CHMP4B: variants seen among roughly 807,000 people sequenced by gnomAD.
CHMP4B encodes the protein SNF7 homolog associated with Alix 1.
Under a neutral mutation model 25.1 loss-of-function variants are expected in CHMP4B, and 1 was observed. The ratio of observed to expected loss-of-function variants is 0.04; its 90% confidence interval spans 0.01 to 0.19. The LOEUF is 0.19. CHMP4B is among the 10% of genes least tolerant of loss of function. The pLI is 1.00. For synonymous variants in CHMP4B, 101 were observed against 115.6 expected (o/e 0.87, Z 0.81); for missense variants, 151 against 289.7 (o/e 0.52, Z 3.48).
chr20:33,833,817 C>CCT (rs1490869040), intron 1 of CHMP4B, among the ~76,000 whole-genome samples: 5 of 152,202 alleles, frequency 3.3e-5, no homozygotes, highest in African/African-American at 1.2e-4. Context: ...CAGTAAGTGT[C>CCT]CTGTGCTGAC....
At chr20:33,852,386 C>T (rs1178076814) in intron 4 of CHMP4B, among the ~76,000 whole-genome samples, 183 bp downstream of exon 4, 1 of 151,094 alleles carries the variant, frequency 6.6e-6, no homozygotes, top group Non-Finnish European at 1.5e-5. Context: ...GAGGCCATGT[C>T]ACCTGGCTTT....
At chr20:33,852,454 T>G (rs1186906871) in intron 4 of CHMP4B, among the ~76,000 whole-genome samples, 1 of 134,170 alleles carries the variant, frequency 7.5e-6, no homozygotes, top group African/African-American at 2.8e-5. Flanking sequence ...CATGGCCAGA[T>G]ACCTCTCTGG....
intron 1 of CHMP4B, among the ~76,000 whole-genome samples, chr20:33,826,544 TA>T (rs1979099346): frequency 6.6e-6 from 1 of 152,182 alleles, no homozygotes; most frequent in Non-Finnish European, 1.5e-5. Context: ...GACCAGCAGC[TA>T]TCTCCCTACA....
At chr20:33,843,132 AG>A (rs1979589061) in intron 1 of CHMP4B, among the ~76,000 whole-genome samples, 1 of 152,184 alleles carries the variant, frequency 6.6e-6, no homozygotes, top group Non-Finnish European at 1.5e-5. Context: ...TCTGCTTCTT[AG>A]GGTATCTGTT....
intron 1 of CHMP4B, among the ~76,000 whole-genome samples, chr20:33,827,128 C>T (rs906875019): frequency 5.5e-4 from 84 of 152,210 alleles, no homozygotes; most frequent in African/African-American, 2.0e-3. Context: ...AGCTGTCCTA[C>T]CCCTGGGTGC....
rs6120382 is a variant in CHMP4B at position 33,814,447 on chromosome 20, C to T, written c.190+2789C>T. Among the ~76,000 whole-genome samples the T allele has an allele frequency of 8.1e-3, 1,236 of 152,170 alleles. 18 individuals carry two copies. The highest frequency in any genetic ancestry group is 0.028 in the African/African-American group (1,179 of 41,512). Reference sequence around the variant, plus strand: ...TGGGCTGAGGCTGCAGAGGAGGCGGCACCTGTTTGGGGGGAAGGATAAAGA... The same window carrying T: ...TGGGCTGAGGCTGCAGAGGAGGCGGTACCTGTTTGGGGGGAAGGATAAAGA... On this transcript the variant is annotated intron_variant, in intron 1 of 4. Coordinates refer to ENST00000217402, the MANE Select transcript of CHMP4B (RefSeq NM_176812.5).
intron 4 of CHMP4B, 80 bp from the exon 5 acceptor site, chr20:33,853,416 A>G: frequency 1.5e-6 from 2 of 1,309,118 alleles, no homozygotes; most frequent in Non-Finnish European, 2.2e-6. Flanking sequence ...GACACCATGG[A>G]GCACAGGCAG....
At chr20:33,825,587 A>T (rs561206207) in intron 1 of CHMP4B, among the ~76,000 whole-genome samples, 7 of 152,224 alleles carry the variant, frequency 4.6e-5, no homozygotes, top group Admixed American at 2.6e-4. Context: ...TAAAAAGCCA[A>T]CAGGCTACCC....
chr20:33,813,676 T>G (rs1403529379), intron 1 of CHMP4B, among the ~76,000 whole-genome samples: 2 of 152,226 alleles, frequency 1.3e-5, no homozygotes, highest in African/African-American at 2.4e-5. Flanking sequence ...ACCATTTTCC[T>G]CTGATCTTTT....
At chr20:33,849,090 G>C (rs1197221159) in intron 2 of CHMP4B, among the ~76,000 whole-genome samples, 1 of 152,184 alleles carries the variant, frequency 6.6e-6, no homozygotes, top group Non-Finnish European at 1.5e-5. Context: ...GGATCTCTCT[G>C]TTCCTATGTC....
intron 1 of CHMP4B, among the ~76,000 whole-genome samples, chr20:33,815,914 G>A (rs1017632100): frequency 6.6e-6 from 1 of 152,202 alleles, no homozygotes; most frequent in Non-Finnish European, 1.5e-5. Context: ...TGTGCAAGGT[G>A]TGGTGCTGAG....
In CHMP4B at chr20:33,811,523, G is replaced by A. The variant is rs758572580; in HGVS notation, c.55G>A (p.Gly19Ser). 1 of 1,607,100 alleles carries A rather than the reference G, an allele frequency of 6.2e-7. No homozygotes were observed. Among genetic ancestry groups the A allele is most frequent in the Non-Finnish European group, 8.5e-7 (1 of 1,176,928 alleles). Residue 19 changes from glycine (G) to serine (S), a missense_variant, in exon 1 of 5, where the codon GGC becomes AGC. Physicochemically the swap from Gly to Ser is moderately conservative, Grantham distance 56. This residue lies in a region of CHMP4B where 28 missense variants were observed against 30.5 expected (regional missense o/e 0.92). Transcript: ENST00000217402. ...GAGGGKAGKG[G>S]PTPQEAIQRL... ...TGGAGGGGGTAAGGCCGGCAAGGGC[G>A]GCCCGACCCCCCAGGAGGCCATCCA... is the stretch of plus-strand genomic sequence containing the variant.
chr20:33,851,705 C>G (rs1979855202), intron 3 of CHMP4B, among the ~76,000 whole-genome samples: 1 of 152,134 alleles, frequency 6.6e-6, no homozygotes, highest in Non-Finnish European at 1.5e-5. Flanking sequence ...CCAGGGTTTT[C>G]ATGTTTTCAC....
chr20:33,845,680 G>T (rs893654056), intron 1 of CHMP4B, among the ~76,000 whole-genome samples: 3 of 152,236 alleles, frequency 2.0e-5, no homozygotes, highest in Non-Finnish European at 4.4e-5. Flanking sequence ...GAGCTGGCTG[G>T]AGGGGAGTTG....
intron 1 of CHMP4B, among the ~76,000 whole-genome samples, chr20:33,814,550 C>A (rs1978729042): frequency 2.6e-5 from 4 of 152,152 alleles, no homozygotes; most frequent in Admixed American, 2.6e-4. Context: ...ACAGTGTCGC[C>A]TCTGGAGTCT....
At chr20:33,851,153 G>A in intron 3 of CHMP4B, 87 bp downstream of exon 3, 1 of 861,976 alleles carries the variant, frequency 1.2e-6, no homozygotes, top group Non-Finnish European at 2.0e-6. Context: ...TCTCAGGCAG[G>A]GAGCATTTGG....
chr20:33,836,444 G>C (rs918574714), intron 1 of CHMP4B, among the ~76,000 whole-genome samples: 3 of 151,716 alleles, frequency 2.0e-5, no homozygotes, highest in Non-Finnish European at 4.4e-5. Flanking sequence ...CCTCCTGAAG[G>C]CCCTCCAAGA....
rs1979930229 is a variant in CHMP4B, at chr20:33,853,833, C to T, written c.*273C>T. ...AAATAAACTGTATTTGCAAATCCAA[C>T]ATTGAGCTTCTGGACTACGCTGACT... On this transcript the variant is annotated 3_prime_UTR_variant, in exon 5 of 5. Coordinates refer to ENST00000217402, the MANE Select transcript of CHMP4B (RefSeq NM_176812.5). The T allele has an allele frequency of 1.9e-6, 1 of 520,798 alleles. No individual in the cohort carries two copies. The highest frequency in any genetic ancestry group is 3.5e-6 in the Non-Finnish European group (1 of 286,190). 32.3% of individuals were successfully genotyped at this position (520,798 alleles called of 1,614,324 possible).
chr20:33,844,870 T>C (rs1979639807), intron 1 of CHMP4B, among the ~76,000 whole-genome samples: 1 of 151,996 alleles, frequency 6.6e-6, no homozygotes, highest in Non-Finnish European at 1.5e-5. Context: ...GCCATTCTCC[T>C]GCCTCAGCCT....
Sources: gnomAD v4.1 joint callset for allele counts (sites outside exome capture counted in the v4.1 genomes callset) on GRCh38, gnomAD v4.1.1 for gene constraint, gnomAD v4.1.1 regional missense constraint, MANE v1.5 for transcripts, NCBI Gene and HGNC (gene_info 2026-07-23, HGNC 2026-07-21) for gene names.